PIK3AP1: variants seen among roughly 807,000 people sequenced by gnomAD.
PIK3AP1 encodes the protein phosphoinositide-3-kinase adaptor protein 1, also known as phosphoinositide 3-kinase adapter protein 1.
In PIK3AP1, 21 loss-of-function variants were observed where a neutral mutation model predicts 88.1. The observed-to-expected ratio is 0.24, with a 90% CI of 0.17 to 0.34. The LOEUF (loss-of-function observed/expected upper bound fraction) is 0.34, where lower values mean the gene tolerates loss of function less well. PIK3AP1 is among the 10% of genes least tolerant of loss of function. The pLI is 1.00. For missense variants in PIK3AP1, 828 were observed against 1,035.7 expected, an observed-to-expected ratio of 0.80 and a Z score of 2.75; for synonymous variants, 398 against 400.0, an observed-to-expected ratio of 1.00 and a Z score of 0.06.
intron 1 of PIK3AP1, among the ~76,000 whole-genome samples, chr10:96,711,838 C>T (rs1171569821): frequency 6.7e-6 from 1 of 148,732 alleles, no homozygotes; most frequent in Non-Finnish European, 1.5e-5. Flanking sequence ...GCAAGCTCCG[C>T]CTCCCGGGTT....
chr10:96,617,033 G>GA (rs1462806836), intron 12 of PIK3AP1, among the ~76,000 whole-genome samples: 1 of 152,158 alleles, frequency 6.6e-6, no homozygotes, highest in African/African-American at 2.4e-5. Flanking sequence ...TCCTGTCTCT[G>GA]AGACTGTGTT....
intron 2 of PIK3AP1, among the ~76,000 whole-genome samples, chr10:96,662,888 C>CA (rs749898725): frequency 0.087 from 1,970 of 22,522 alleles, 652 homozygotes; most frequent in African/African-American, 0.17. Flanking sequence ...GACTCCGTCT[C>CA]AAAAAAAAAA....
chr10:96,719,820 A>T (rs1844548018), intron 1 of PIK3AP1, among the ~76,000 whole-genome samples: 1 of 152,324 alleles, frequency 6.6e-6, no homozygotes, highest in South Asian at 2.1e-4. Context: ...ACGCAGGAAA[A>T]GTAAAGTTCA....
intron 2 of PIK3AP1, among the ~76,000 whole-genome samples, chr10:96,670,135 G>C (rs1428231613): frequency 6.9e-6 from 1 of 145,602 alleles, no homozygotes; most frequent in Non-Finnish European, 1.5e-5. Flanking sequence ...TCCAGCCTGG[G>C]TGACTAAGCA....
intron 2 of PIK3AP1, among the ~76,000 whole-genome samples, chr10:96,690,949 A>T (rs371315421): frequency 1.3e-5 from 2 of 152,178 alleles, no homozygotes; most frequent in South Asian, 2.1e-4. Context: ...CTTCTTGGAG[A>T]TGACTCATCA....
intron 2 of PIK3AP1, among the ~76,000 whole-genome samples, chr10:96,662,326 C>T (rs1039127459): frequency 2.6e-5 from 4 of 152,170 alleles, no homozygotes; most frequent in African/African-American, 4.8e-5. Flanking sequence ...TAAGGCCGGG[C>T]GCAGTGGCTC....
chr10:96,615,292 G>A (rs193274369), intron 13 of PIK3AP1, among the ~76,000 whole-genome samples: 5 of 147,308 alleles, frequency 3.4e-5, no homozygotes, highest in East Asian at 2.2e-4. Flanking sequence ...CCCTGAGTGG[G>A]ACAGGAGCCC....
At chr10:96,697,303 C>T (rs997155997) in intron 2 of PIK3AP1, among the ~76,000 whole-genome samples, 12 of 152,288 alleles carry the variant, frequency 7.9e-5, no homozygotes, top group Middle Eastern at 3.4e-3. Flanking sequence ...CCTAATGAAG[C>T]TAAGGAAAAA....
intron 10 of PIK3AP1, among the ~76,000 whole-genome samples, chr10:96,624,289 T>C (rs990018055): frequency 6.6e-6 from 1 of 152,220 alleles, no homozygotes; most frequent in African/African-American, 2.4e-5. Context: ...TAGCTTTTAT[T>C]ATAATTATTC....
intron 2 of PIK3AP1, among the ~76,000 whole-genome samples, chr10:96,668,430 G>T (rs11188880): frequency 0.13 from 19,851 of 152,142 alleles, 1,734 homozygotes; most frequent in Non-Finnish European, 0.2. Flanking sequence ...TTTAAATAAG[G>T]TAAAGTCAAG....
Position 96,720,433 on chromosome 10 carries a change from C to T in PIK3AP1, c.-39G>A, listed in dbSNP as rs1844556474. ...GCTCACATCCCTGGCTCGCTGCGTGCCCGGGGCCGGGACCGGGGCCGGCGG... is the reference window on the plus strand; with the variant it reads ...GCTCACATCCCTGGCTCGCTGCGTGTCCGGGGCCGGGACCGGGGCCGGCGG... On this transcript the variant is annotated 5_prime_UTR_variant, in exon 1 of 17. Coordinates refer to ENST00000339364, the MANE Select transcript of PIK3AP1 (RefSeq NM_152309.3). The surrounding 1 kb of genome is among the most constrained non-coding windows in gnomAD (Gnocchi z 4.6). 2 of 1,229,816 alleles carry T rather than the reference C, an allele frequency of 1.6e-6. No homozygotes were observed. Among genetic ancestry groups the T allele is most frequent in the South Asian group, 8.2e-5 (2 of 24,284 alleles). 76.2% of individuals were successfully genotyped at this position (1,229,816 alleles called of 1,614,324 possible).
At chr10:96,673,499 C>A (rs768771486) in intron 2 of PIK3AP1, among the ~76,000 whole-genome samples, 5 of 152,142 alleles carry the variant, frequency 3.3e-5, no homozygotes, top group Admixed American at 6.5e-5. Flanking sequence ...CTACCACAGC[C>A]CCCCCCGAAA....
chr10:96,669,866 T>C (rs1181758908), intron 2 of PIK3AP1, among the ~76,000 whole-genome samples: 3 of 151,696 alleles, frequency 2.0e-5, no homozygotes, highest in Non-Finnish European at 4.4e-5. Flanking sequence ...CTAAATTAAG[T>C]TAATGTTTCT....
intron 8 of PIK3AP1, chr10:96,633,152 A>G: frequency 1.5e-6 from 2 of 1,375,426 alleles, no homozygotes; most frequent in Non-Finnish European, 9.7e-7. Flanking sequence ...CCCTCAGGAA[A>G]GCCCAAAGAA....
chr10:96,707,297 T>G (rs1212620195), intron 2 of PIK3AP1, among the ~76,000 whole-genome samples: 1 of 152,180 alleles, frequency 6.6e-6, no homozygotes, highest in Non-Finnish European at 1.5e-5. Context: ...GTTTTTTGTT[T>G]GTTTGTTTGT....
intron 11 of PIK3AP1, chr10:96,620,800 G>C: frequency 2.1e-6 from 1 of 475,872 alleles, no homozygotes; most frequent in South Asian, 3.1e-5. Context: ...GAAATCTGCT[G>C]ACTCTCCCAA....
At chr10:96,653,215 G>A (rs1843566450) in intron 3 of PIK3AP1, among the ~76,000 whole-genome samples, 1 of 151,856 alleles carries the variant, frequency 6.6e-6, no homozygotes. Context: ...GACCAGCCTG[G>A]CCAACATGGT....
chr10:96,620,738 C>A lies in PIK3AP1; in HGVS notation c.1736-181G>T, dbSNP rs975899132. The A allele has an allele frequency of 5.6e-5, 33 of 592,098 alleles. No homozygotes were observed. In the Admixed American group the frequency reaches 7.4e-4, roughly 13 times the overall value. 36.7% of individuals were successfully genotyped at this position (592,098 alleles called of 1,614,324 possible). On this transcript the variant is annotated intron_variant, in intron 11 of 16. Coordinates refer to ENST00000339364, the MANE Select transcript of PIK3AP1 (RefSeq NM_152309.3). ...GGGGAGAAGAATGCAGCTAATAATT[C>A]CAAGGCCTATCACACTGAAGTAGAC...
intron 2 of PIK3AP1, among the ~76,000 whole-genome samples, chr10:96,699,179 T>A (rs1232962702): frequency 6.6e-6 from 1 of 152,012 alleles, no homozygotes; most frequent in African/African-American, 2.4e-5. Flanking sequence ...GGCAAAACTC[T>A]GTCTCAAAAA....
Sources: allele counts gnomAD v4.1 joint callset (sites outside exome capture counted in the v4.1 genomes callset), GRCh38; gene constraint gnomAD v4.1.1; non-coding constraint Gnocchi (gnomAD v3.1); transcripts MANE v1.5; gene names NCBI Gene and HGNC (gene_info 2026-07-23, HGNC 2026-07-21).